FOCAD: variants seen among roughly 807,000 people sequenced by gnomAD.
FOCAD encodes KIAA1797.
A neutral mutation model predicts 225.6 loss-of-function variants in FOCAD; 198 were observed. That is an observed-to-expected ratio of 0.88 (90% confidence interval 0.78 to 0.99). The LOEUF is 0.99. Among genes scored for constraint, FOCAD ranks in the 50% least tolerant of loss-of-function variants. The pLI, the probability that FOCAD is intolerant of heterozygous loss-of-function variation, is 0.00. For synonymous variants in FOCAD, 897 were observed against 755.0 expected (o/e 1.19, Z -3.08); for missense variants, 2,713 against 2,123.6 (o/e 1.28, Z -5.46).
At chr9:20,968,198 A>G (rs540270908) in intron 35 of FOCAD, among the ~76,000 whole-genome samples, 7 of 152,194 alleles carry the variant, frequency 4.6e-5, no homozygotes, top group Admixed American at 3.3e-4. Context: ...GTGTGCTTCT[A>G]GGAATTTTTC....
chr9:20,873,348 C>T (rs1829960192), intron 18 of FOCAD, among the ~76,000 whole-genome samples: 1 of 152,134 alleles, frequency 6.6e-6, no homozygotes, highest in Non-Finnish European at 1.5e-5. Context: ...AGACAACTCT[C>T]AAGGAGAGTA....
At chr9:20,684,936 A>T (rs1262846263) in intron 1 of FOCAD, among the ~76,000 whole-genome samples, 7 of 152,222 alleles carry the variant, frequency 4.6e-5, no homozygotes, top group Admixed American at 2.6e-4. Flanking sequence ...TAACGCGTGG[A>T]GACGTGCAGT....
chr9:20,807,392 T>C (rs1329466200), intron 11 of FOCAD, among the ~76,000 whole-genome samples: 3 of 152,274 alleles, frequency 2.0e-5, no homozygotes, highest in African/African-American at 2.4e-5. Flanking sequence ...AGAATAGTGC[T>C]GTTCAATAGA....
chr9:20,708,116 A>C (rs1824541329), intron 1 of FOCAD, among the ~76,000 whole-genome samples: 1 of 152,138 alleles, frequency 6.6e-6, no homozygotes, highest in Non-Finnish European at 1.5e-5. Context: ...TCTAGAATCC[A>C]CCCTTGAGCC....
intron 2 of FOCAD, among the ~76,000 whole-genome samples, chr9:20,671,722 G>T (rs1822069450): frequency 6.6e-6 from 1 of 152,132 alleles, no homozygotes; most frequent in Non-Finnish European, 1.5e-5. Context: ...GGCAAAAAAA[G>T]GGCAAAAAGT....
chr9:20,891,435 A>C (rs1452689840), intron 21 of FOCAD, among the ~76,000 whole-genome samples: 1 of 152,218 alleles, frequency 6.6e-6, no homozygotes, highest in Non-Finnish European at 1.5e-5. Context: ...TTTTGAATGC[A>C]AAGAAAAGGT....
chr9:20,835,482 T>A (rs1419509789), intron 15 of FOCAD, among the ~76,000 whole-genome samples: 5 of 152,110 alleles, frequency 3.3e-5, no homozygotes, highest in Non-Finnish European at 5.9e-5. Context: ...TATCAGCCAT[T>A]GACTGATTTC....
intron 35 of FOCAD, among the ~76,000 whole-genome samples, chr9:20,976,113 T>C (rs527677187): frequency 1.4e-4 from 21 of 152,318 alleles, no homozygotes; most frequent in Middle Eastern, 3.4e-3. Context: ...ATGATGGATA[T>C]GTTATTTATC....
At chr9:20,914,359 A>C (rs71496862) in intron 23 of FOCAD, among the ~76,000 whole-genome samples, 21,941 of 152,126 alleles carry the variant, frequency 0.14, 1,724 homozygotes, top group East Asian at 0.18. Context: ...CCTGTAATAA[A>C]CAAATAAACA....
At chr9:20,923,406 T>C (rs1286771405) in intron 24 of FOCAD, among the ~76,000 whole-genome samples, 5 of 152,174 alleles carry the variant, frequency 3.3e-5, no homozygotes, top group Non-Finnish European at 5.9e-5. Context: ...AACAACTTAC[T>C]AAGCTTGGAT....
At chr9:20,694,380 TA>T (rs1823175295) in intron 1 of FOCAD, 1 of 152,226 alleles carries the variant, frequency 6.6e-6, no homozygotes, top group Non-Finnish European at 1.5e-5. Flanking sequence ...ACTCTTATTA[TA>T]AAGTCAATCT....
chr9:20,662,590 C>A (rs114056594), intron 2 of FOCAD, among the ~76,000 whole-genome samples: 1 of 152,114 alleles, frequency 6.6e-6, no homozygotes, highest in African/African-American at 2.4e-5. Context: ...CTCCCCAACA[C>A]GTTTGACAGA....
chr9:20,994,924 T>G (rs542901323), intron 43 of FOCAD, among the ~76,000 whole-genome samples: 13 of 152,170 alleles, frequency 8.5e-5, no homozygotes, highest in African/African-American at 2.6e-4. Context: ...CATTCCTTCA[T>G]ATTATTATAT....
chr9:20,975,737 G>T (rs577689267), intron 35 of FOCAD, among the ~76,000 whole-genome samples: 37 of 152,258 alleles, frequency 2.4e-4, no homozygotes, highest in African/African-American at 8.9e-4. Context: ...ATGAAATCAT[G>T]TCATTTATGG....
At chr9:20,936,331 T>C (rs1436039970) in intron 28 of FOCAD, among the ~76,000 whole-genome samples, 6 of 152,246 alleles carry the variant, frequency 3.9e-5, no homozygotes, top group Non-Finnish European at 8.8e-5. Flanking sequence ...ATCTTGTTAG[T>C]TTCAGACTAA....
intron 19 of FOCAD, among the ~76,000 whole-genome samples, chr9:20,881,084 T>A (rs1401533260): frequency 6.6e-6 from 1 of 152,196 alleles, no homozygotes; most frequent in Non-Finnish European, 1.5e-5. Context: ...TGGACAAATA[T>A]CTCATTTTAA....
intron 8 of FOCAD, among the ~76,000 whole-genome samples, chr9:20,772,530 A>C (rs1563972367): frequency 6.6e-6 from 1 of 152,198 alleles, no homozygotes; most frequent in Non-Finnish European, 1.5e-5. Context: ...CAAGGGAAGG[A>C]ATATCTCAAT....
intron 15 of FOCAD, among the ~76,000 whole-genome samples, chr9:20,834,768 T>C (rs1825837841): frequency 1.3e-5 from 2 of 152,046 alleles, no homozygotes; most frequent in African/African-American, 4.8e-5. Flanking sequence ...GTGGTTTATA[T>C]TTGCACCATC....
At chr9:20,909,338 C>T (rs1833245204) in intron 22 of FOCAD, among the ~76,000 whole-genome samples, 1 of 152,040 alleles carries the variant, frequency 6.6e-6, no homozygotes, top group African/African-American at 2.4e-5. Context: ...AGGAACCCAA[C>T]AAGCACTAAA....
Sources: gnomAD v4.1 joint callset for allele counts (sites outside exome capture counted in the v4.1 genomes callset) on GRCh38, gnomAD v4.1.1 for gene constraint, MANE v1.5 for transcripts, NCBI Gene and HGNC (gene_info 2026-07-23, HGNC 2026-07-21) for gene names.